The following SCAF11 variants were observed in gnomAD, a reference collection of about 807,000 sequenced individuals.
SCAF11 encodes SR-related CTD associated factor 11, also known as protein SCAF11.
A neutral mutation model predicts 140.5 loss-of-function variants in SCAF11; 47 were observed. That is an observed-to-expected ratio of 0.33 (90% CI 0.26 to 0.43). The LOEUF (loss-of-function observed/expected upper bound fraction) is 0.43, where lower values mean the gene tolerates loss of function less well. Among genes scored for constraint, SCAF11 ranks in the 20% least tolerant of loss-of-function variants. The pLI is 1.00. For synonymous variants in SCAF11, 557 were observed against 579.4 expected, an observed-to-expected ratio of 0.96 and a Z score of 0.55; for missense variants, 1,645 against 1,705.1, an observed-to-expected ratio of 0.96 and a Z score of 0.62.
chr12:45,964,666 CA>C (rs557847692), intron 1 of SCAF11, among the ~76,000 whole-genome samples: 58 of 110,758 alleles, frequency 5.2e-4, no homozygotes, highest in Admixed American at 5.7e-4. Context: ...GACTCTGTCT[CA>C]AAAAAAAAAA....
chr12:45,974,670 C>T (rs1157743716), intron 1 of SCAF11: 1 of 169,698 alleles, frequency 5.9e-6, no homozygotes, highest in Non-Finnish European at 1.3e-5. Context: ...AATAGTTCTC[C>T]TGCTGTTTAT....
At chr12:45,971,598 G>A (rs552121032) in intron 1 of SCAF11, among the ~76,000 whole-genome samples, 18 of 152,292 alleles carry the variant, frequency 1.2e-4, no homozygotes, top group African/African-American at 4.1e-4. Flanking sequence ...CAGAGAGCAA[G>A]CTCTAAGAGA....
chr12:45,989,014 G>A (rs765890991), intron 1 of SCAF11, among the ~76,000 whole-genome samples: 3 of 152,028 alleles, frequency 2.0e-5, no homozygotes, highest in Non-Finnish European at 2.9e-5. Flanking sequence ...AAAACAAAAG[G>A]CCCATGAACT....
intron 11 of SCAF11, 144 bp downstream of exon 11, chr12:45,925,998 T>C (rs781286268): frequency 4.0e-6 from 3 of 744,432 alleles, no homozygotes; most frequent in African/African-American, 1.8e-5. Context: ...TATATTTATA[T>C]AATGCTAAGT....
At position 45,951,666 on chromosome 12, in the gene SCAF11, A is replaced by G. The variant is rs760863039; in HGVS notation, c.281T>C (p.Leu94Ser). 6 of 1,588,676 alleles carry G rather than the reference A, an allele frequency of 3.8e-6. No individual in the cohort carries two copies. The Admixed American group carries it at 5.1e-5, about 13-fold the overall frequency. The change falls in exon 4 of 15, where the codon TTG (leucine) becomes TCG (serine). Residue 94 changes from leucine (L) to serine (S), a missense_variant. Around this residue, in one of 2 missense-constraint regions of SCAF11, gnomAD observed 1,582 missense variants for 1,609.2 expected, o/e 0.98. Transcript: ENST00000369367. ...PFQAVFKFSA[L>S]EGYVKVQVKK... ...AAGACTTACCTTAACATAACCTTCC[A>G]ATGCACTGAATTTAAACACTGCCTG...
At chr12:45,961,894 C>T (rs757911670) in intron 2 of SCAF11, 37 bp from the exon 3 acceptor site, 1 of 1,537,858 alleles carries the variant, frequency 6.5e-7, no homozygotes, top group Non-Finnish European at 8.7e-7. Context: ...CTTTCAAGTT[C>T]TCCAGACCAA....
intron 1 of SCAF11, among the ~76,000 whole-genome samples, chr12:45,967,058 T>C (rs559555706): frequency 3.9e-5 from 6 of 152,258 alleles, no homozygotes; most frequent in African/African-American, 1.4e-4. Context: ...TCACATTTCC[T>C]CCTTTAAGCA....
At chr12:45,987,971 A>T (rs967485167) in intron 1 of SCAF11, among the ~76,000 whole-genome samples, 2 of 152,230 alleles carry the variant, frequency 1.3e-5, no homozygotes, top group Non-Finnish European at 2.9e-5. Context: ...CATAGACACA[A>T]CTTAAAAAAA....
chr12:45,954,366 A>G (rs1417530653), intron 3 of SCAF11, among the ~76,000 whole-genome samples: 1 of 151,796 alleles, frequency 6.6e-6, no homozygotes, highest in African/African-American at 2.4e-5. Flanking sequence ...CCTCCTGAGT[A>G]GCTGGGACTA....
intron 1 of SCAF11, among the ~76,000 whole-genome samples, chr12:45,983,742 A>ACACAC (rs71437739): frequency 1.5e-5 from 2 of 133,906 alleles, no homozygotes; most frequent in East Asian, 2.3e-4. Flanking sequence ...CTAAACCTAA[A>ACACAC]ACACACACAC....
At chr12:45,959,462 A>C (rs766505676) in intron 3 of SCAF11, among the ~76,000 whole-genome samples, 1 of 152,232 alleles carries the variant, frequency 6.6e-6, no homozygotes, top group Non-Finnish European at 1.5e-5. Flanking sequence ...ATGACAGCCT[A>C]GGCATAAGGC....
In SCAF11 at chr12:45,920,625, A is replaced by T. The variant is rs1485922082; in HGVS notation, c.*1423T>A. 1 of 152,412 alleles carries T rather than the reference A, an allele frequency of 6.6e-6. No homozygotes were observed. Among genetic ancestry groups the T allele is most frequent in the Admixed American group, 6.5e-5 (1 of 15,270 alleles). The allele number at this position is 152,412 out of a possible 1,614,324, so 9.4% of individuals were successfully genotyped here. On this transcript the variant is annotated 3_prime_UTR_variant, in exon 15 of 15. Coordinates refer to ENST00000369367, the MANE Select transcript of SCAF11 (RefSeq NM_004719.3). ...AAAAAGAGAAAAAAAAAAAAACCCA[A>T]ATCCCTAATCCCTGAAAGGCTAACC... is the stretch of plus-strand genomic sequence containing the variant.
chr12:45,989,116 G>C (rs577883108), intron 1 of SCAF11, among the ~76,000 whole-genome samples: 1 of 152,100 alleles, frequency 6.6e-6, no homozygotes, highest in African/African-American at 2.4e-5. Flanking sequence ...AAACAGACTT[G>C]ATTACATGTC....
intron 1 of SCAF11, among the ~76,000 whole-genome samples, chr12:45,964,405 C>G (rs568715420): frequency 3.3e-5 from 5 of 152,262 alleles, no homozygotes; most frequent in Admixed American, 3.3e-4. Flanking sequence ...CGGTGGCTCA[C>G]GCCTGTAATC....
intron 6 of SCAF11, among the ~76,000 whole-genome samples, chr12:45,937,656 A>G (rs1159688419): frequency 6.6e-6 from 1 of 152,202 alleles, no homozygotes; most frequent in East Asian, 1.9e-4. Flanking sequence ...TCTTTTGGGC[A>G]AGTCAGTTTT....
rs1433121042 is a variant in SCAF11 at position 45,929,110 on chromosome 12, G to A, written c.842-251C>T. On this transcript the variant is annotated intron_variant, in intron 10 of 14. Transcript: ENST00000369367. ...GCAATTTTATAGAGAAAAAAAAAAA[G>A]GAAAATAACTTTTGGTCTTGTAACT... The A allele has an allele frequency of 3.8e-5, 9 of 235,010 alleles. No homozygotes were observed. The East Asian group carries it at 5.1e-4, about 13-fold the overall frequency. The allele number at this position is 235,010 out of a possible 1,614,324, so 14.6% of individuals were successfully genotyped here.
intron 1 of SCAF11, among the ~76,000 whole-genome samples, chr12:45,977,570 A>G (rs1421596826): frequency 6.6e-6 from 1 of 152,198 alleles, no homozygotes; most frequent in Non-Finnish European, 1.5e-5. Context: ...ACTGTATATA[A>G]TAAAAGTTAA....
At chr12:45,938,442 T>C (rs1343585535) in intron 6 of SCAF11, among the ~76,000 whole-genome samples, 1 of 152,080 alleles carries the variant, frequency 6.6e-6, no homozygotes, top group East Asian at 1.9e-4. Context: ...TAAGCTGAGA[T>C]TGTGTCACTG....
At chr12:45,982,197 G>A (rs903249421) in intron 1 of SCAF11, among the ~76,000 whole-genome samples, 2 of 152,030 alleles carry the variant, frequency 1.3e-5, no homozygotes, top group African/African-American at 2.4e-5. Flanking sequence ...TTAAGTAACT[G>A]GACATGCACA....
Sources: allele counts gnomAD v4.1 joint callset (sites outside exome capture counted in the v4.1 genomes callset), GRCh38; gene constraint gnomAD v4.1.1; regional missense constraint gnomAD v4.1.1; transcripts MANE v1.5; gene names NCBI Gene and HGNC (gene_info 2026-07-23, HGNC 2026-07-21).